The following PTPRM variants were observed in gnomAD, a reference collection of about 807,000 sequenced individuals.
PTPRM encodes protein tyrosine phosphatase receptor type M.
A neutral mutation model predicts 186.7 loss-of-function variants in PTPRM; 47 were observed. The observed-to-expected ratio is 0.25, with a 90% CI of 0.20 to 0.32. PTPRM has a LOEUF of 0.32. PTPRM is among the 10% of genes least tolerant of loss of function. The pLI is 1.00. For synonymous variants in PTPRM, 668 were observed against 674.9 expected, an observed-to-expected ratio of 0.99 and a Z score of 0.16; for missense variants, 1,494 against 1,865.0, an observed-to-expected ratio of 0.80 and a Z score of 3.66.
chr18:8,352,693 A>G (rs1468626382), intron 23 of PTPRM, among the ~76,000 whole-genome samples: 2 of 125,458 alleles, frequency 1.6e-5, no homozygotes, highest in African/African-American at 3.0e-5. Context: ...GTTTTTTGAG[A>G]TGGAGTCTCA....
chr18:7,678,384 A>G (rs2039399065), intron 1 of PTPRM, among the ~76,000 whole-genome samples: 1 of 152,162 alleles, frequency 6.6e-6, no homozygotes, highest in Non-Finnish European at 1.5e-5. Flanking sequence ...ATGGTCACCC[A>G]CTTAAGGGAT....
chr18:8,095,919 A>G (rs1016281531), intron 11 of PTPRM, among the ~76,000 whole-genome samples: 9 of 152,178 alleles, frequency 5.9e-5, no homozygotes, highest in Non-Finnish European at 8.8e-5. Context: ...CTAATTATAT[A>G]AATATTTTTA....
chr18:8,374,980 A>G (rs771849878), intron 24 of PTPRM, among the ~76,000 whole-genome samples: 8 of 152,256 alleles, frequency 5.3e-5, no homozygotes, highest in Non-Finnish European at 8.8e-5. Flanking sequence ...GAAAATGATC[A>G]TGGAATGAGA....
rs142092758 is a variant in PTPRM at position 8,150,477 on chromosome 18, C to T, written c.2300+6698C>T. Among the ~76,000 whole-genome samples, 422 of 152,188 alleles carry T rather than the reference C, an allele frequency of 2.8e-3. 1 individual carries two copies. Among genetic ancestry groups the T allele is most frequent in the African/African-American group, 9.7e-3 (401 of 41,518 alleles). ...GTGTATGCTTCACAAAGTTCTCGTG[C>T]TGTGCTTTTCAGCTCTATGAGGTCA... On this transcript the variant is annotated intron_variant, in intron 14 of 32. Coordinates refer to ENST00000580170, the MANE Select transcript of PTPRM (RefSeq NM_001105244.2).
intron 23 of PTPRM, among the ~76,000 whole-genome samples, chr18:8,346,384 A>C (rs573811099): frequency 6.6e-6 from 1 of 152,194 alleles, no homozygotes; most frequent in Non-Finnish European, 1.5e-5. Context: ...TCATGTGGCC[A>C]CCTTCTTGCG....
chr18:7,920,355 G>A (rs187417275), intron 4 of PTPRM, among the ~76,000 whole-genome samples: 37 of 151,912 alleles, frequency 2.4e-4, no homozygotes, highest in African/African-American at 8.0e-4. Flanking sequence ...ATCTATTATA[G>A]GTTTTTGCAT....
At chr18:7,664,253 C>A (rs935195710) in intron 1 of PTPRM, among the ~76,000 whole-genome samples, 1 of 152,154 alleles carries the variant, frequency 6.6e-6, no homozygotes, top group Non-Finnish European at 1.5e-5. Flanking sequence ...GCCAGGGCGC[C>A]AAGAGAGTGG....
At chr18:8,216,676 G>A (rs1440331362) in intron 14 of PTPRM, among the ~76,000 whole-genome samples, 2 of 152,080 alleles carry the variant, frequency 1.3e-5, no homozygotes, top group African/African-American at 4.8e-5. Context: ...TTCAACTGTT[G>A]ACATACTCTC....
chr18:8,274,110 T>C (rs1601586168), intron 19 of PTPRM, among the ~76,000 whole-genome samples: 1 of 152,186 alleles, frequency 6.6e-6, no homozygotes. Flanking sequence ...TCATGCTGTT[T>C]CGTGCTTTGT....
rs994526735 is a variant in PTPRM at position 8,044,453 on chromosome 18, G to A, written c.1133-25233G>A. ...TATGACTCAAGAGTGGATTCACTAC[G>A]CAGTTGCAGTAATCAAGACATGCGG... On this transcript the variant is annotated intron_variant, in intron 7 of 32. Coordinates refer to ENST00000580170, the MANE Select transcript of PTPRM (RefSeq NM_001105244.2). Among the ~76,000 whole-genome samples the A allele has an allele frequency of 2.0e-5, 3 of 152,184 alleles. 1 individual carries two copies. Among genetic ancestry groups the A allele is most frequent in the South Asian group, 4.2e-4 (2 of 4,812 alleles).
chr18:7,879,078 C>A (rs56051067), intron 2 of PTPRM, among the ~76,000 whole-genome samples: 5,229 of 152,244 alleles, frequency 0.034, 296 homozygotes, highest in African/African-American at 0.12. Flanking sequence ...CTAGTATTTT[C>A]TACCTAAGTC....
intron 5 of PTPRM, 40 bp downstream of exon 5, chr18:7,926,723 G>T: frequency 6.7e-7 from 1 of 1,493,854 alleles, no homozygotes; most frequent in African/African-American, 1.4e-5. Flanking sequence ...AGAGTCCAGC[G>T]GGAAGAATAC....
chr18:7,981,783 G>A (rs2082566070), intron 7 of PTPRM, among the ~76,000 whole-genome samples: 1 of 152,154 alleles, frequency 6.6e-6, no homozygotes, highest in Non-Finnish European at 1.5e-5. Flanking sequence ...TATAGCCAAG[G>A]CTCCTAGGCT....
intron 14 of PTPRM, among the ~76,000 whole-genome samples, chr18:8,237,108 A>G (rs1295277797): frequency 6.6e-6 from 1 of 152,040 alleles, no homozygotes; most frequent in African/African-American, 2.4e-5. Flanking sequence ...ACACTGTACC[A>G]CTTCACAGGT....
At chr18:8,252,451 T>C (rs920528637) in intron 17 of PTPRM, 37 bp from the exon 18 acceptor site, 2 of 1,512,250 alleles carry the variant, frequency 1.3e-6, no homozygotes, top group Non-Finnish European at 1.8e-6. Flanking sequence ...TTCCTTTTTC[T>C]CCTCCTTTTT....
intron 2 of PTPRM, among the ~76,000 whole-genome samples, chr18:7,841,314 C>T (rs546321681): frequency 2.2e-4 from 21 of 96,044 alleles, no homozygotes; most frequent in African/African-American, 6.4e-4. Context: ...TTTTTTGAGA[C>T]GGAGTCTCGC....
intron 1 of PTPRM, among the ~76,000 whole-genome samples, chr18:7,571,438 C>G (rs2143338185): frequency 6.6e-6 from 1 of 152,232 alleles, no homozygotes; most frequent in Admixed American, 6.5e-5. Context: ...AACGAGTTGG[C>G]AAGTTGTTCC....
At chr18:8,113,376 C>T (rs372090570) in intron 11 of PTPRM, 110 bp from the exon 12 acceptor site, 34 of 956,380 alleles carry the variant, frequency 3.6e-5, no homozygotes, top group African/African-American at 3.4e-4. Flanking sequence ...GTATGGACTG[C>T]GTCCAGTGTG....
At chr18:8,014,812 A>G (rs1459520569) in intron 7 of PTPRM, among the ~76,000 whole-genome samples, 1 of 152,204 alleles carries the variant, frequency 6.6e-6, no homozygotes, top group Non-Finnish European at 1.5e-5. Context: ...ATGAAAAACC[A>G]GTGGGATTAT....
Sources: allele counts gnomAD v4.1 joint callset (sites outside exome capture counted in the v4.1 genomes callset), GRCh38; gene constraint gnomAD v4.1.1; transcripts MANE v1.5; gene names NCBI Gene and HGNC (gene_info 2026-07-23, HGNC 2026-07-21).